DOCK7: variants seen among roughly 807,000 people sequenced by gnomAD.
DOCK7 encodes dedicator of cytokinesis 7.
Under a neutral mutation model 271.0 loss-of-function variants are expected in DOCK7, and 138 were observed. The ratio of observed to expected loss-of-function variants is 0.51; its 90% CI spans 0.44 to 0.59. The LOEUF is 0.59. Ranked by LOEUF, DOCK7 falls within the 20% of genes least tolerant of loss-of-function variation. The pLI is 0.00. For synonymous variants in DOCK7, 823 were observed against 876.1 expected, an observed-to-expected ratio of 0.94 and a Z score of 1.07; for missense variants, 2,066 against 2,592.4, an observed-to-expected ratio of 0.80 and a Z score of 4.41.
chr1:62,584,144 AT>A (rs1456140804), intron 15 of DOCK7: 1 of 981,940 alleles, frequency 1.0e-6, no homozygotes, highest in Non-Finnish European at 1.2e-6. Context: ...AAAGAGATTA[AT>A]TGGCATCATC....
At chr1:62,655,425 CTTTTTTT>C (rs200798806) in intron 2 of DOCK7, among the ~76,000 whole-genome samples, 1 of 86,332 alleles carries the variant, frequency 1.2e-5, no homozygotes, top group African/African-American at 3.1e-5. Flanking sequence ...TTTTTCTTTT[CTTTTTTT>C]TTTTTTTTTT....
chr1:62,549,577 A>G (rs1321645848), intron 22 of DOCK7, among the ~76,000 whole-genome samples: 1 of 152,224 alleles, frequency 6.6e-6, no homozygotes, highest in Admixed American at 6.5e-5. Context: ...ATAAAGATGT[A>G]TCATGTGTAC....
intron 1 of DOCK7, among the ~76,000 whole-genome samples, chr1:62,679,124 A>G (rs1660840877): frequency 6.6e-6 from 1 of 152,158 alleles, no homozygotes; most frequent in African/African-American, 2.4e-5. Flanking sequence ...TTAAAATTTC[A>G]CACCATACAC....
chr1:62,586,439 A>G, intron 15 of DOCK7, 68 bp downstream of exon 15: 1 of 1,232,750 alleles, frequency 8.1e-7, no homozygotes, highest in Non-Finnish European at 1.1e-6. Context: ...GTTGCCAACC[A>G]AAGAGAAAGA....
intron 19 of DOCK7, 79 bp downstream of exon 19, chr1:62,561,537 CA>C (rs1271776404): frequency 1.2e-6 from 1 of 800,652 alleles, no homozygotes. Context: ...TGACAGGTAA[CA>C]AAACTGACAT....
In DOCK7 at chr1:62,489,366, G is replaced by A. The variant is rs534442980; in HGVS notation, c.5362-301C>T. The stretch of plus-strand genomic sequence containing the variant: ...CAGGAGGCTGAGGCAGGAGAATGGC[G>A]TGAACATGGGAGGCGGAGTGTGCAG... On this transcript the variant is annotated intron_variant, in intron 41 of 49. Coordinates refer to ENST00000635253, the MANE Select transcript of DOCK7 (RefSeq NM_001367561.1). 2.2e-3 allele frequency among the ~76,000 whole-genome samples: 328 copies of A among 152,224 alleles called. 2 individuals carry two copies. Among genetic ancestry groups the A allele is most frequent in the African/African-American group, 7.3e-3 (305 of 41,528 alleles).
intron 16 of DOCK7, among the ~76,000 whole-genome samples, chr1:62,582,599 G>C (rs575199528): frequency 1.4e-4 from 18 of 125,558 alleles, no homozygotes; most frequent in Non-Finnish European, 2.5e-4. Flanking sequence ...AGAGCTGTGG[G>C]CCCCAAAAAA....
intron 31 of DOCK7, among the ~76,000 whole-genome samples, chr1:62,524,144 C>T (rs957899387): frequency 3.3e-5 from 5 of 152,054 alleles, no homozygotes; most frequent in African/African-American, 7.2e-5. Context: ...CACAAGTCTT[C>T]GGGGAAATAC....
intron 24 of DOCK7, chr1:62,543,196 T>C (rs150657534): frequency 1.9e-5 from 3 of 155,026 alleles, no homozygotes; most frequent in Non-Finnish European, 4.3e-5. Flanking sequence ...ATAATGGATA[T>C]GCATACAAAG....
In DOCK7 at chr1:62,580,580, A is replaced by G. The variant is rs10157368; in HGVS notation, c.1872-1614T>C. Among the ~76,000 whole-genome samples, 179 of 152,324 alleles carry G rather than the reference A, an allele frequency of 1.2e-3. 1 individual carries two copies. The highest frequency in any genetic ancestry group is 4.0e-3 in the African/African-American group (167 of 41,584). ...AATGTGAAGACTTTTGTTGAAAATT[A>G]AATATCTAAGAGAGTTATTCATTCA... On this transcript the variant is annotated intron_variant, in intron 16 of 49. Transcript: ENST00000635253.
intron 41 of DOCK7, among the ~76,000 whole-genome samples, chr1:62,491,548 GAC>G (rs1553154928): frequency 1.3e-5 from 2 of 152,218 alleles, no homozygotes; most frequent in Non-Finnish European, 2.9e-5. Flanking sequence ...GTTATAGCAT[GAC>G]AGCATAGTCA....
intron 35 of DOCK7, 79 bp downstream of exon 35, chr1:62,507,883 T>C (rs1646988308): frequency 3.1e-6 from 4 of 1,276,144 alleles, no homozygotes; most frequent in African/African-American, 1.5e-5. Context: ...TGTAATTTTA[T>C]GGCTCACAGT....
chr1:62,528,485 T>C (rs999321256), intron 30 of DOCK7, among the ~76,000 whole-genome samples, 180 bp from the exon 31 acceptor site: 1 of 152,242 alleles, frequency 6.6e-6, no homozygotes, highest in African/African-American at 2.4e-5. Context: ...TAATAATTTA[T>C]AGTTTACAGA....
intron 21 of DOCK7, among the ~76,000 whole-genome samples, chr1:62,553,312 T>TTATACATA (rs1553168302): frequency 3.4e-4 from 7 of 20,586 alleles, no homozygotes; most frequent in African/African-American, 1.4e-3. Flanking sequence ...AAAAAGTATT[T>TTATACATA]TATATATATA....
At position 62,624,549 on chromosome 1, in the gene DOCK7, A is replaced by G. The variant is rs117320524; in HGVS notation, c.1425+710T>C. On this transcript the variant is annotated intron_variant, in intron 12 of 49. Transcript: ENST00000635253. ...TGCACTCCTAGGGCCTGAAAGTTCT[A>G]TTTCACATATTATGAATATGGTAGT... 1.8e-4 allele frequency among the ~76,000 whole-genome samples: 28 copies of G among 152,344 alleles called. No individual in the cohort carries two copies. The East Asian group carries it at 5.0e-3, about 27-fold the overall frequency.
chr1:62,602,714 GA>G (rs1241837928), intron 14 of DOCK7, among the ~76,000 whole-genome samples: 8 of 151,498 alleles, frequency 5.3e-5, no homozygotes, highest in Admixed American at 5.3e-4. Flanking sequence ...AATAAGCTGT[GA>G]AAAGAACCAC....
chr1:62,591,402 G>A (rs1030555552), intron 14 of DOCK7, among the ~76,000 whole-genome samples: 5 of 151,828 alleles, frequency 3.3e-5, no homozygotes, highest in Non-Finnish European at 7.4e-5. Flanking sequence ...TTGGGTACTG[G>A]GCTTAATACC....
chr1:62,519,696 AAGAGAG>A (rs773027683), intron 31 of DOCK7, among the ~76,000 whole-genome samples: 7 of 152,170 alleles, frequency 4.6e-5, no homozygotes, highest in Admixed American at 4.6e-4. Flanking sequence ...AACTGGCTAA[AAGAGAG>A]AGAGAAGATG....
chr1:62,603,903 T>A, intron 14 of DOCK7: 2 of 1,514,474 alleles, frequency 1.3e-6, no homozygotes, highest in Non-Finnish European at 1.8e-6. Context: ...AAAAAACACT[T>A]AAAAAAACTG....
Sources: gnomAD v4.1 joint callset for allele counts (sites outside exome capture counted in the v4.1 genomes callset) on GRCh38, gnomAD v4.1.1 for gene constraint, MANE v1.5 for transcripts, NCBI Gene and HGNC (gene_info 2026-07-23, HGNC 2026-07-21) for gene names.